DFFB: variants seen among roughly 807,000 people sequenced by gnomAD.
DFFB encodes DNA fragmentation factor 40 kDa subunit.
In DFFB, 29 loss-of-function variants were observed where a neutral mutation model predicts 32.7. The observed-to-expected ratio is 0.89, with a 90% CI of 0.66 to 1.21. DFFB has a LOEUF of 1.21. DFFB is among the 50% of genes most tolerant of loss of function. DFFB has a pLI of 0.00. For missense variants in DFFB, 398 were observed against 440.6 expected (o/e 0.90, Z 0.87); for synonymous variants, 170 against 177.1 (o/e 0.96, Z 0.32).
At chr1:3,882,508 G>A (rs1393661928) in intron 6 of DFFB, among the ~76,000 whole-genome samples, 2 of 151,990 alleles carry the variant, frequency 1.3e-5, no homozygotes, top group Non-Finnish European at 2.9e-5. Context: ...GGGATTACAG[G>A]CATGCATCAC....
At chr1:3,872,966 G>T in intron 6 of DFFB, 1 of 1,246,592 alleles carries the variant, frequency 8.0e-7, no homozygotes, top group Non-Finnish European at 1.0e-6. Flanking sequence ...GGGAGCTCCT[G>T]GTGTTATGAT....
At chr1:3,866,220 T>A (rs1644977296) in intron 3 of DFFB, 1 of 680,134 alleles carries the variant, frequency 1.5e-6, no homozygotes, top group Admixed American at 2.0e-5. Flanking sequence ...AGGGCAGCCC[T>A]CGGATGGGAC....
chr1:3,876,214 A>C (rs1487169509), intron 6 of DFFB, among the ~76,000 whole-genome samples: 1 of 152,230 alleles, frequency 6.6e-6, no homozygotes, highest in East Asian at 1.9e-4. Context: ...ACATGCAACA[A>C]GTACCCAAAA....
In DFFB at chr1:3,884,075, G is replaced by A; in HGVS notation, c.*334G>A. On this transcript the variant is annotated 3_prime_UTR_variant, in exon 7 of 7. Coordinates refer to ENST00000378209, the MANE Select transcript of DFFB (RefSeq NM_004402.4). ...ATGTTTGTATTTTTAGTAGAGACGG[G>A]GTTTCACCATGTTGGTCAGGCTGGT... 3.4e-6 allele frequency: 1 copy of A among 289,856 alleles called. No individual in the cohort carries two copies. The highest frequency in any genetic ancestry group is 6.7e-6 in the Non-Finnish European group (1 of 150,296). 18.0% of individuals were successfully genotyped at this position (289,856 alleles called of 1,614,324 possible).
At chr1:3,879,182 G>C (rs1168162568) in intron 6 of DFFB, among the ~76,000 whole-genome samples, 2 of 152,132 alleles carry the variant, frequency 1.3e-5, no homozygotes, top group African/African-American at 2.4e-5. Flanking sequence ...TTCTGCCTGG[G>C]ACTTGTATTC....
At chr1:3,870,012 C>G (rs12739949) in intron 5 of DFFB, among the ~76,000 whole-genome samples, 10,869 of 152,336 alleles carry the variant, frequency 0.071, 385 homozygotes, top group Non-Finnish European at 0.082. Flanking sequence ...CGCCCCAGGG[C>G]TTGTCTCGGT....
At chr1:3,863,132 CAT>C (rs1448542404) in intron 2 of DFFB, among the ~76,000 whole-genome samples, 1 of 152,176 alleles carries the variant, frequency 6.6e-6, no homozygotes, top group African/African-American at 2.4e-5. Context: ...AGTTGCCAAT[CAT>C]GTATCTAATA....
rs1001917205 is a variant in DFFB at position 3,884,190 on chromosome 1, A to G, written c.*449A>G. ...TGAGCCACTGCGCCCAGCCTGAATCATTTCTTATACCTTCTGACAGCCCAA... is the reference window on the plus strand; with the variant it reads ...TGAGCCACTGCGCCCAGCCTGAATCGTTTCTTATACCTTCTGACAGCCCAA... On this transcript the variant is annotated 3_prime_UTR_variant, in exon 7 of 7. Coordinates refer to ENST00000378209, the MANE Select transcript of DFFB (RefSeq NM_004402.4). The G allele has an allele frequency of 4.9e-6, 1 of 202,060 alleles. No individual in the cohort carries two copies. The highest frequency in any genetic ancestry group is 1.0e-5 in the Non-Finnish European group (1 of 97,952). 12.5% of individuals were successfully genotyped at this position (202,060 alleles called of 1,614,324 possible). A position where few individuals can be genotyped will look rare whatever the true frequency, so the allele number is the denominator to read the frequency against.
chr1:3,863,553 G>A (rs1012612392), intron 2 of DFFB, among the ~76,000 whole-genome samples: 1 of 152,114 alleles, frequency 6.6e-6, no homozygotes, highest in African/African-American at 2.4e-5. Context: ...ACCAAAACTC[G>A]TCCGTGAGCG....
At chr1:3,881,606 G>A (rs976645936) in intron 6 of DFFB, among the ~76,000 whole-genome samples, 1 of 152,178 alleles carries the variant, frequency 6.6e-6, no homozygotes, top group Non-Finnish European at 1.5e-5. Context: ...GCTGGGTGTG[G>A]TGGCTCATGC....
intron 6 of DFFB, among the ~76,000 whole-genome samples, chr1:3,875,006 G>A (rs140149208): frequency 0.013 from 2,017 of 152,208 alleles, 9 homozygotes; most frequent in Non-Finnish European, 0.022. Flanking sequence ...TACCACACGC[G>A]TGTGGGTTTA....
intron 6 of DFFB, among the ~76,000 whole-genome samples, chr1:3,880,095 G>T (rs1233445197): frequency 6.6e-6 from 1 of 152,154 alleles, no homozygotes; most frequent in African/African-American, 2.4e-5. Flanking sequence ...ATTTAGGATG[G>T]GGTCTTTGGT....
chr1:3,873,102 C>T (rs1259690836), intron 6 of DFFB: 5 of 635,094 alleles, frequency 7.9e-6, no homozygotes, highest in African/African-American at 3.8e-5. Context: ...TCAAGCAATC[C>T]TCCTGCCTCA....
chr1:3,858,962 T>C, intron 2 of DFFB, 118 bp downstream of exon 2: 1 of 1,442,206 alleles, frequency 6.9e-7, no homozygotes, highest in Non-Finnish European at 9.2e-7. Context: ...AACTCTCGGG[T>C]CTCAAGGAGG....
intron 6 of DFFB, among the ~76,000 whole-genome samples, chr1:3,876,529 G>C (rs186411454): frequency 6.6e-6 from 1 of 152,244 alleles, no homozygotes; most frequent in Non-Finnish European, 1.5e-5. Context: ...ACAGTGGTCT[G>C]TTTGCCACAG....
At chr1:3,868,474 T>C (rs1645028112) in intron 4 of DFFB, among the ~76,000 whole-genome samples, 1 of 152,076 alleles carries the variant, frequency 6.6e-6, no homozygotes, top group Admixed American at 6.6e-5. Context: ...CCATCCTTGG[T>C]CTGCAAACCT....
intron 1 of DFFB, 118 bp from the exon 2 acceptor site, chr1:3,858,600 C>T (rs1010830743): frequency 1.5e-6 from 2 of 1,301,266 alleles, no homozygotes; most frequent in African/African-American, 1.5e-5. Flanking sequence ...GGCATACAGG[C>T]GGCAGCCTGA....
In DFFB at chr1:3,857,487, G is replaced by A; in HGVS notation, c.-117G>A. The A allele has an allele frequency of 1.6e-6, 1 of 643,194 alleles. No individual in the cohort carries two copies. The highest frequency in any genetic ancestry group is 2.5e-6 in the Non-Finnish European group (1 of 405,842). The allele number at this position is 643,194 out of a possible 1,614,324, so 39.8% of individuals were successfully genotyped here. A position where few individuals can be genotyped will look rare whatever the true frequency, so the allele number is the denominator to read the frequency against. On this transcript the variant is annotated 5_prime_UTR_variant, in exon 1 of 7. Transcript: ENST00000378209. ...TTTCCGGGATCGGCACCCGGCCTGT[G>A]CCAGCTTGCAGAGCTCACCAGGTGC...
Position 3,865,877 on chromosome 1 carries a change from G to T in DFFB, c.307G>T (p.Ala103Ser), listed in dbSNP as rs754617230. 6 of 1,614,046 alleles carry T rather than the reference G, an allele frequency of 3.7e-6. No homozygotes were observed. The highest frequency in any genetic ancestry group is 2.2e-5 in the East Asian group (1 of 44,850). ...HEPQVGLIQA[A>S]QQLLCDEQAP... ...GCCACAGGTGGGGCTCATCCAGGCC[G>T]CCCAGCAGCTGCTGTGTGATGAGCA... The change falls in exon 3 of 7, where the codon GCC becomes TCC. Residue 103 changes from alanine to serine, a missense_variant. Coordinates refer to ENST00000378209, the MANE Select transcript of DFFB (RefSeq NM_004402.4). The surrounding 1 kb of genome is among the most constrained non-coding windows in gnomAD (Gnocchi z 4.7).
Sources: allele counts gnomAD v4.1 joint callset (sites outside exome capture counted in the v4.1 genomes callset), GRCh38; gene constraint gnomAD v4.1.1; non-coding constraint Gnocchi (gnomAD v3.1); transcripts MANE v1.5; gene names NCBI Gene and HGNC (gene_info 2026-07-23, HGNC 2026-07-21).